Variants in STXBP6 observed in about 807,000 individuals in gnomAD.
STXBP6 encodes syntaxin-binding protein 6.
Under a neutral mutation model 26.9 loss-of-function variants are expected in STXBP6, and 21 were observed. The observed-to-expected ratio is 0.78, with a 90% CI of 0.55 to 1.12. The LOEUF is 1.12. STXBP6 is among the 50% of genes most tolerant of loss of function. The pLI is 0.00. For missense variants in STXBP6, 232 were observed against 257.9 expected (o/e 0.90, Z 0.69); for synonymous variants, 97 against 92.6 (o/e 1.05, Z -0.27).
At chr14:24,858,823 CTTAAAAGA>C (rs1206366907) in intron 2 of STXBP6, among the ~76,000 whole-genome samples, 1 of 152,032 alleles carries the variant, frequency 6.6e-6, no homozygotes, top group Non-Finnish European at 1.5e-5. Flanking sequence ...TTAAAATGTG[CTTAAAAGA>C]TTAAAAAAGG....
chr14:25,016,267 C>A (rs1244525735), intron 1 of STXBP6, among the ~76,000 whole-genome samples: 19 of 152,070 alleles, frequency 1.2e-4, no homozygotes, highest in Non-Finnish European at 1.8e-4. Flanking sequence ...TCAGTAAATA[C>A]TGTTATCTAT....
chr14:24,984,585 T>C (rs1210831472), intron 1 of STXBP6, among the ~76,000 whole-genome samples: 3 of 152,204 alleles, frequency 2.0e-5, no homozygotes, highest in Admixed American at 6.5e-5. Context: ...TTCCAACTTA[T>C]CTGATCTCCC....
At chr14:24,986,701 A>G (rs1006285736) in intron 1 of STXBP6, among the ~76,000 whole-genome samples, 4 of 152,096 alleles carry the variant, frequency 2.6e-5, no homozygotes, top group African/African-American at 7.2e-5. Flanking sequence ...CTATTAAAAC[A>G]CTCTCAGAAA....
At chr14:24,855,651 G>T (rs1320861996) in intron 4 of STXBP6, among the ~76,000 whole-genome samples, 3 of 152,092 alleles carry the variant, frequency 2.0e-5, no homozygotes, top group African/African-American at 7.2e-5. Flanking sequence ...TCTAATAAGG[G>T]AGCAGTTTTG....
At chr14:24,836,434 C>T (rs1409176090) in intron 4 of STXBP6, among the ~76,000 whole-genome samples, 6 of 151,804 alleles carry the variant, frequency 4.0e-5, no homozygotes, top group Non-Finnish European at 7.4e-5. Context: ...CCCATCTCTA[C>T]TAAATATACA....
At chr14:24,951,635 A>C (rs1291052294) in intron 2 of STXBP6, among the ~76,000 whole-genome samples, 2 of 152,192 alleles carry the variant, frequency 1.3e-5, no homozygotes. Flanking sequence ...CTGAATGCCA[A>C]GCAACTCTAT....
At chr14:24,831,367 C>A (rs1483422698) in intron 4 of STXBP6, among the ~76,000 whole-genome samples, 9 of 152,084 alleles carry the variant, frequency 5.9e-5, no homozygotes, top group Admixed American at 1.3e-4. Context: ...TGTGTCTCAT[C>A]CCCATTTGTA....
At chr14:24,854,335 G>C (rs146447416) in intron 4 of STXBP6, among the ~76,000 whole-genome samples, 10 of 152,108 alleles carry the variant, frequency 6.6e-5, no homozygotes, top group African/African-American at 2.4e-4. Flanking sequence ...TATGGCACTT[G>C]GTCTGTTTCT....
rs2075784231 is a variant in STXBP6 at position 25,050,100 on chromosome 14, G to A, written c.-255C>T. 2 of 156,294 alleles carry A rather than the reference G, an allele frequency of 1.3e-5. No individual in the cohort carries two copies. Among genetic ancestry groups the A allele is most frequent in the Non-Finnish European group, 2.8e-5 (2 of 71,946 alleles). The allele number at this position is 156,294 out of a possible 1,614,324, so 9.7% of individuals were successfully genotyped here. On this transcript the variant is annotated 5_prime_UTR_variant, in exon 1 of 6. Coordinates refer to ENST00000323944, the MANE Select transcript of STXBP6 (RefSeq NM_001394410.1). ...GAAACTCCCGGCAACTCCAACTCCG[G>A]GCGCTGGAGCTCCAGCTGCAGCCGC...
At chr14:24,862,269 A>C (rs1158981145) in intron 2 of STXBP6, among the ~76,000 whole-genome samples, 1 of 152,134 alleles carries the variant, frequency 6.6e-6, no homozygotes, top group Non-Finnish European at 1.5e-5. Context: ...GAGTGTTAGG[A>C]TTACAGGTGT....
intron 2 of STXBP6, among the ~76,000 whole-genome samples, chr14:24,949,350 G>GA (rs1423626390): frequency 2.0e-5 from 3 of 152,126 alleles, no homozygotes; most frequent in Non-Finnish European, 2.9e-5. Flanking sequence ...GAGAAATGCA[G>GA]AAACTAAAGA....
chr14:24,867,412 C>A (rs1471986378), intron 2 of STXBP6, among the ~76,000 whole-genome samples: 2 of 152,044 alleles, frequency 1.3e-5, no homozygotes, highest in African/African-American at 4.8e-5. Context: ...TGGATCAAGA[C>A]AATAAACTAA....
chr14:24,996,864 C>CA (rs753413417), intron 1 of STXBP6, among the ~76,000 whole-genome samples: 12,673 of 60,618 alleles, frequency 0.21, 1,738 homozygotes, highest in African/African-American at 0.35. Context: ...AACTCTGTCT[C>CA]AAAAAAAAAA....
intron 2 of STXBP6, among the ~76,000 whole-genome samples, chr14:24,894,621 G>A (rs1234184781): frequency 6.6e-6 from 1 of 152,142 alleles, no homozygotes; most frequent in African/African-American, 2.4e-5. Context: ...TTTATCACCT[G>A]AGAGTTTGCT....
chr14:24,913,892 G>T (rs545505708), intron 2 of STXBP6, among the ~76,000 whole-genome samples: 1 of 152,144 alleles, frequency 6.6e-6, no homozygotes, highest in Non-Finnish European at 1.5e-5. Flanking sequence ...ATGTGGGGAA[G>T]GATTCAAGAC....
intron 4 of STXBP6, among the ~76,000 whole-genome samples, chr14:24,828,396 G>A (rs1029991500): frequency 6.6e-6 from 1 of 152,044 alleles, no homozygotes; most frequent in Non-Finnish European, 1.5e-5. Context: ...TAAAACAAGA[G>A]AGTTAACATA....
chr14:25,041,853 A>G (rs2075649117), intron 1 of STXBP6, among the ~76,000 whole-genome samples: 1 of 152,240 alleles, frequency 6.6e-6, no homozygotes, highest in Non-Finnish European at 1.5e-5. Flanking sequence ...GCATTGTAAC[A>G]AAGTAAACAA....
intron 2 of STXBP6, among the ~76,000 whole-genome samples, chr14:24,896,389 G>A (rs1204739066): frequency 6.6e-6 from 1 of 152,090 alleles, no homozygotes; most frequent in Admixed American, 6.6e-5. Flanking sequence ...AACAGAACCC[G>A]CTGTCAGCTT....
intron 2 of STXBP6, among the ~76,000 whole-genome samples, chr14:24,928,328 A>G (rs1474694076): frequency 1.3e-5 from 2 of 151,714 alleles, no homozygotes; most frequent in Non-Finnish European, 2.9e-5. Context: ...CCTCTTATTA[A>G]CCTTACCCCC....
Sources: gnomAD v4.1 joint callset for allele counts (sites outside exome capture counted in the v4.1 genomes callset) on GRCh38, gnomAD v4.1.1 for gene constraint, MANE v1.5 for transcripts, NCBI Gene and HGNC (gene_info 2026-07-23, HGNC 2026-07-21) for gene names.